The following PPFIA2 variants were observed in gnomAD, a reference collection of about 807,000 sequenced individuals.
PPFIA2 encodes PPFI scaffold protein A2.
A neutral mutation model predicts 175.5 loss-of-function variants in PPFIA2; 46 were observed. That is an observed-to-expected ratio of 0.26 (90% confidence interval 0.21 to 0.34). The LOEUF is 0.34. Among genes scored for constraint, PPFIA2 ranks in the 10% least tolerant of loss-of-function variants. The pLI is 1.00. For synonymous variants in PPFIA2, 568 were observed against 511.4 expected (o/e 1.11, Z -1.49); for missense variants, 1,179 against 1,506.1 (o/e 0.78, Z 3.60).
In PPFIA2 at chr12:81,412,913, C is replaced by T. The variant is rs1269326185; in HGVS notation, c.646-7010G>A. Among the ~76,000 whole-genome samples, 8 of 151,866 alleles carry T rather than the reference C, an allele frequency of 5.3e-5. No homozygotes were observed. The Admixed American group carries it at 5.3e-4, about 10-fold the overall frequency. On this transcript the variant is annotated intron_variant, in intron 7 of 32. Transcript: ENST00000549396. ...CTCTAGCTTACTGAAAGGCTTCGAT[C>T]ACACATATAAAAAGTGCCGTCTTGG...
intron 24 of PPFIA2, among the ~76,000 whole-genome samples, chr12:81,286,579 T>C (rs2043478806): frequency 6.6e-6 from 1 of 152,026 alleles, no homozygotes; most frequent in Non-Finnish European, 1.5e-5. Context: ...CAGTAGTCTA[T>C]ACCATTTAGG....
chr12:81,285,265 C>T (rs2043043228), intron 24 of PPFIA2, among the ~76,000 whole-genome samples: 1 of 152,032 alleles, frequency 6.6e-6, no homozygotes, highest in Non-Finnish European at 1.5e-5. Flanking sequence ...CAAGGTTTTC[C>T]AAGCACATCA....
chr12:81,368,742 C>T lies in PPFIA2; in HGVS notation c.1465G>A (p.Ala489Thr), dbSNP rs746479094. The stretch of plus-strand genomic sequence containing the variant: ...CGTTTTACCTTTTCTTCTAGAGCAG[C>T]CATTCTTTCCTTTAAGTGTAGTTGT... ...RLQLHLKERM[A>T]ALEEKNVLIQ... The change falls in exon 13 of 33, where the codon GCT becomes ACT. Residue 489 changes from alanine to threonine, a missense_variant. This residue lies in a region of PPFIA2 where 66 missense variants were observed against 129.4 expected (regional missense o/e 0.51). Transcript: ENST00000549396. 5 of 1,607,540 alleles carry T rather than the reference C, an allele frequency of 3.1e-6. No homozygotes were observed. The East Asian group carries it at 6.7e-5, about 22-fold the overall frequency.
chr12:81,272,059 A>C lies in PPFIA2; in HGVS notation c.3311-3972T>G, dbSNP rs527347855. 1.5e-4 allele frequency among the ~76,000 whole-genome samples: 23 copies of C among 152,090 alleles called. 1 individual carries two copies. The South Asian group carries it at 4.6e-3, about 30-fold the overall frequency. On this transcript the variant is annotated intron_variant, in intron 28 of 32. Coordinates refer to ENST00000549396, the MANE Select transcript of PPFIA2 (RefSeq NM_003625.5). ...GGTAATAATTCCATTTTCCTCTAGC[A>C]TTATTTAGTTGAGCAATATCAGTTA...
intron 8 of PPFIA2, among the ~76,000 whole-genome samples, chr12:81,398,831 CTG>C (rs1346747567): frequency 6.6e-6 from 1 of 152,026 alleles, no homozygotes; most frequent in Non-Finnish European, 1.5e-5. Context: ...ACACTACATA[CTG>C]TGTTTCTTTC....
intron 7 of PPFIA2, among the ~76,000 whole-genome samples, chr12:81,409,740 C>A (rs927625298): frequency 1.3e-5 from 2 of 152,080 alleles, no homozygotes; most frequent in South Asian, 4.1e-4. Context: ...GTAGGAGGAA[C>A]CACTTATGTA....
intron 4 of PPFIA2, among the ~76,000 whole-genome samples, chr12:81,555,951 T>C (rs1431001263): frequency 1.3e-5 from 2 of 151,882 alleles, no homozygotes; most frequent in South Asian, 2.1e-4. Flanking sequence ...TTTTTAAAAA[T>C]AGAGACCCTT....
At chr12:81,607,391 G>T (rs1296544840) in intron 4 of PPFIA2, among the ~76,000 whole-genome samples, 1 of 152,036 alleles carries the variant, frequency 6.6e-6, no homozygotes, top group African/African-American at 2.4e-5. Flanking sequence ...TGCTTCAGGT[G>T]TATGGACATT....
intron 19 of PPFIA2, among the ~76,000 whole-genome samples, chr12:81,343,440 T>C (rs544253509): frequency 5.1e-4 from 77 of 152,200 alleles, no homozygotes; most frequent in African/African-American, 1.7e-3. Context: ...GAAGAGGCTA[T>C]AGGTAGATAG....
chr12:81,579,554 C>G (rs2074093989), intron 4 of PPFIA2, among the ~76,000 whole-genome samples: 2 of 151,716 alleles, frequency 1.3e-5, no homozygotes, highest in African/African-American at 4.8e-5. Context: ...GGCTGTTCCA[C>G]AATTTAATTA....
chr12:81,688,149 T>C (rs1304429336), intron 3 of PPFIA2, among the ~76,000 whole-genome samples: 2 of 152,020 alleles, frequency 1.3e-5, no homozygotes, highest in African/African-American at 2.4e-5. Flanking sequence ...TTATTTTCAT[T>C]CTTCCTAATA....
At chr12:81,380,962 C>G (rs2037514341) in intron 9 of PPFIA2, among the ~76,000 whole-genome samples, 1 of 137,502 alleles carries the variant, frequency 7.3e-6, no homozygotes, top group Admixed American at 7.5e-5. Context: ...TTTCACAGTG[C>G]TGTGTGTGTG....
At chr12:81,443,182 G>C (rs2050547294) in intron 6 of PPFIA2, among the ~76,000 whole-genome samples, 1 of 151,756 alleles carries the variant, frequency 6.6e-6, no homozygotes, top group Non-Finnish European at 1.5e-5. Flanking sequence ...TGAAAGCTTT[G>C]CATATCAGAT....
chr12:81,266,602 C>T (rs559093242), intron 30 of PPFIA2, among the ~76,000 whole-genome samples: 23 of 152,156 alleles, frequency 1.5e-4, no homozygotes, highest in Admixed American at 7.9e-4. Context: ...AAGAAATACA[C>T]GCACTCTTTA....
At chr12:81,755,387 G>A (rs1487245622) in intron 2 of PPFIA2, among the ~76,000 whole-genome samples, 1 of 152,152 alleles carries the variant, frequency 6.6e-6, no homozygotes, top group East Asian at 1.9e-4. Flanking sequence ...GCAAAAGGCT[G>A]ATGTAAAGAA....
At chr12:81,414,992 T>A (rs192795202) in intron 7 of PPFIA2, among the ~76,000 whole-genome samples, 2 of 149,844 alleles carry the variant, frequency 1.3e-5, no homozygotes, top group African/African-American at 4.9e-5. Context: ...TTAAAACCAA[T>A]GGAGAGCAAC....
intron 2 of PPFIA2, among the ~76,000 whole-genome samples, 162 bp downstream of exon 2, chr12:81,758,238 G>C (rs2084989588): frequency 6.6e-6 from 1 of 151,880 alleles, no homozygotes; most frequent in South Asian, 2.1e-4. Context: ...AGGAGGTAGA[G>C]AGATAGGAGA....
intron 4 of PPFIA2, among the ~76,000 whole-genome samples, chr12:81,622,344 T>G (rs2062151564): frequency 6.6e-6 from 1 of 152,180 alleles, no homozygotes. Context: ...TCATTTGGAG[T>G]GCTGGATGTC....
At chr12:81,355,993 G>C (rs1007773781) in intron 16 of PPFIA2, among the ~76,000 whole-genome samples, 2 of 152,154 alleles carry the variant, frequency 1.3e-5, no homozygotes, top group African/African-American at 4.8e-5. Context: ...CAACTTGGCT[G>C]TTTGATGCCA....
Sources: allele counts gnomAD v4.1 joint callset (sites outside exome capture counted in the v4.1 genomes callset), GRCh38; gene constraint gnomAD v4.1.1; regional missense constraint gnomAD v4.1.1; transcripts MANE v1.5; gene names NCBI Gene and HGNC (gene_info 2026-07-23, HGNC 2026-07-21).